The following SYNJ2 variants were observed in gnomAD, a reference collection of about 807,000 sequenced individuals.
The protein encoded by SYNJ2 is synaptojanin 2.
SYNJ2 carries 116 observed loss-of-function variants against 141.3 expected under a neutral mutation model. That is an observed-to-expected ratio of 0.82 (90% CI 0.71 to 0.96). SYNJ2 has a LOEUF of 0.96. Ranked by LOEUF, SYNJ2 falls within the 40% of genes least tolerant of loss-of-function variation. The pLI is 0.00. For missense variants in SYNJ2, 1,873 were observed against 1,934.8 expected, an observed-to-expected ratio of 0.97 and a Z score of 0.60; for synonymous variants, 745 against 777.7, an observed-to-expected ratio of 0.96 and a Z score of 0.70.
chr6:158,045,204 T>G (rs1583396326), intron 5 of SYNJ2, among the ~76,000 whole-genome samples: 1 of 148,202 alleles, frequency 6.7e-6, no homozygotes, highest in South Asian at 2.2e-4. Context: ...GCCCCCCGAG[T>G]TCAAGCCGTT....
chr6:157,981,712 A>T (rs1312266890), upstream of SYNJ2, among the ~76,000 whole-genome samples: 1 of 151,730 alleles, frequency 6.6e-6, no homozygotes, highest in African/African-American at 2.4e-5. The surrounding 1 kb of genome is among the most constrained non-coding windows in gnomAD (Gnocchi z 6.4). Flanking sequence ...GGCCTCGCGC[A>T]GCTGCCTGGC....
intron 1 of SYNJ2, among the ~76,000 whole-genome samples, chr6:157,998,922 C>A (rs573609099): frequency 6.6e-6 from 1 of 152,020 alleles, no homozygotes; most frequent in Non-Finnish European, 1.5e-5. Context: ...CCCCTGTGTC[C>A]GAATGATAGA....
chr6:158,070,636 C>T lies in SYNJ2; in HGVS notation c.1940+963C>T. On this transcript the variant is annotated intron_variant, in intron 14 of 26. Coordinates refer to ENST00000355585, the MANE Select transcript of SYNJ2 (RefSeq NM_003898.4). This position sits in a 1 kb window ranked among gnomAD's most constrained non-coding sequence, Gnocchi z 4.0. Reference sequence around the variant, plus strand: ...GGCTTCACGTGCCTTTAGCCCTGAGCTGCTTCCGCCTACACCCCTTCCATC... The same window carrying T: ...GGCTTCACGTGCCTTTAGCCCTGAGTTGCTTCCGCCTACACCCCTTCCATC... 2.7e-6 allele frequency: 1 copy of T among 375,596 alleles called. No homozygotes were observed. Among genetic ancestry groups the T allele is most frequent in the Non-Finnish European group, 3.7e-6 (1 of 272,788 alleles). The allele number at this position is 375,596 out of a possible 1,614,324, so 23.3% of individuals were successfully genotyped here.
chr6:158,084,806 C>T lies in SYNJ2; in HGVS notation c.3208+632C>T, dbSNP rs1324329276. On this transcript the variant is annotated intron_variant, in intron 22 of 26. Coordinates refer to ENST00000355585, the MANE Select transcript of SYNJ2 (RefSeq NM_003898.4). This position sits in a 1 kb window ranked among gnomAD's most constrained non-coding sequence, Gnocchi z 5.0. ...CAGCTTGGGTGACAAAGTGAGATTCCGTCTCAAAACAACAACAACAAAAAA... is the reference window on the plus strand; with the variant it reads ...CAGCTTGGGTGACAAAGTGAGATTCTGTCTCAAAACAACAACAACAAAAAA... Among the ~76,000 whole-genome samples the T allele has an allele frequency of 5.9e-5, 9 of 151,832 alleles. No homozygotes were observed. The highest frequency in any genetic ancestry group is 7.3e-5 in the African/African-American group (3 of 41,318).
intron 1 of SYNJ2, among the ~76,000 whole-genome samples, chr6:158,002,755 GC>G (rs1173337482): frequency 2.6e-5 from 4 of 152,172 alleles, no homozygotes; most frequent in Non-Finnish European, 5.9e-5. Context: ...GGGCTACCAG[GC>G]CCAGTGAAAA....
At chr6:158,092,093 A>G (rs1008072137) in intron 25 of SYNJ2, among the ~76,000 whole-genome samples, 1 of 142,972 alleles carries the variant, frequency 7.0e-6, no homozygotes, top group African/African-American at 2.7e-5. Flanking sequence ...TATGTGAATT[A>G]TGTCACAATA....
intron 2 of SYNJ2, among the ~76,000 whole-genome samples, chr6:158,020,115 A>G (rs1200412455): frequency 7.6e-6 from 1 of 131,888 alleles, no homozygotes; most frequent in Non-Finnish European, 1.6e-5. Context: ...TGTGTGACTA[A>G]CTCCACCTGT....
chr6:157,990,925 G>A (rs1289439615), intron 1 of SYNJ2, among the ~76,000 whole-genome samples: 2 of 146,770 alleles, frequency 1.4e-5, no homozygotes, highest in South Asian at 2.2e-4. Flanking sequence ...GGCTGCTCAC[G>A]GTGGGTAAAA....
intron 18 of SYNJ2, 117 bp from the exon 19 acceptor site, chr6:158,080,992 C>G: frequency 1.1e-6 from 1 of 914,958 alleles, no homozygotes; most frequent in Non-Finnish European, 1.8e-6. Flanking sequence ...GGGACAGCAG[C>G]TGGGGACTGG....
At chr6:158,094,102 C>T in intron 26 of SYNJ2, 2 of 671,616 alleles carry the variant, frequency 3.0e-6, no homozygotes, top group East Asian at 2.5e-5. Context: ...AGGGGGGCTT[C>T]GGCTTCACTC....
Position 158,043,496 on chromosome 6 carries a change from C to T in SYNJ2, c.795+97C>T. 1 of 858,190 alleles carries T rather than the reference C, an allele frequency of 1.2e-6. No homozygotes were observed. The highest frequency in any genetic ancestry group is 1.9e-6 in the Non-Finnish European group (1 of 534,378). The allele number at this position is 858,190 out of a possible 1,614,324, so 53.2% of individuals were successfully genotyped here. ...AAGATTTCTTTTAACACGTTCGTTT[C>T]ATGGCATAGTTTCCAGTCTTTTTCC... On this transcript the variant is annotated intron_variant, in intron 5 of 26. Coordinates refer to ENST00000355585, the MANE Select transcript of SYNJ2 (RefSeq NM_003898.4). The surrounding 1 kb of genome is among the most constrained non-coding windows in gnomAD (Gnocchi z 4.0).
intron 1 of SYNJ2, among the ~76,000 whole-genome samples, chr6:157,984,880 C>T (rs906523009): frequency 1.3e-5 from 2 of 152,154 alleles, no homozygotes; most frequent in Admixed American, 6.5e-5. Flanking sequence ...ATGGGTCCCT[C>T]CCAGTTAGTA....
intron 3 of SYNJ2, among the ~76,000 whole-genome samples, chr6:158,029,990 TCC>T: frequency 6.6e-6 from 1 of 152,034 alleles, no homozygotes; most frequent in East Asian, 1.9e-4. Flanking sequence ...GCTAAACCAG[TCC>T]CATCAATGGG....
chr6:158,044,209 A>C (rs969979819), intron 5 of SYNJ2, among the ~76,000 whole-genome samples: 1 of 152,184 alleles, frequency 6.6e-6, no homozygotes, highest in Non-Finnish European at 1.5e-5. Context: ...GCCAGTGGCT[A>C]CTGGGGCCCA....
intron 6 of SYNJ2, among the ~76,000 whole-genome samples, chr6:158,058,019 T>C (rs182648256): frequency 6.6e-5 from 10 of 152,302 alleles, no homozygotes; most frequent in Admixed American, 5.9e-4. Flanking sequence ...TCTACTACTG[T>C]CCCTTAAAGT....
upstream of SYNJ2, among the ~76,000 whole-genome samples, chr6:157,981,350 C>T (rs938877468): frequency 6.6e-6 from 1 of 152,166 alleles, no homozygotes; most frequent in African/African-American, 2.4e-5. The surrounding 1 kb of genome is among the most constrained non-coding windows in gnomAD (Gnocchi z 6.4). Context: ...GCGCTCCGCA[C>T]CCGCTAAGCG....
At chr6:157,998,409 A>G (rs149346564) in intron 1 of SYNJ2, among the ~76,000 whole-genome samples, 16 of 152,366 alleles carry the variant, frequency 1.1e-4, no homozygotes, top group African/African-American at 2.4e-4. Context: ...CAATTTGCCA[A>G]TCAAGGTCAT....
intron 2 of SYNJ2, among the ~76,000 whole-genome samples, chr6:158,025,938 G>T (rs1404624053): frequency 2.6e-5 from 4 of 152,104 alleles, no homozygotes; most frequent in Non-Finnish European, 2.9e-5. Context: ...GGCAACAAGA[G>T]TAAAACTCTG....
rs1431292660 is a variant in SYNJ2, at chr6:158,064,954, C to A, written c.1488C>A (p.Asp496Glu). ...ACGTCTACGGCGAGGAGGTGGCAGA[C>A]AAAGGGGGCATGCTGCTGGACAGCA... ...VGDVYGEEVA[D>E]KGGMLLDSTA... Residue 496 changes from aspartate (D) to glutamate (E), a missense_variant, in exon 11 of 27, where the codon GAC (aspartate) becomes GAA (glutamate). Asp to Glu is a conservative substitution (Grantham distance 45). Transcript: ENST00000355585. 1 of 1,609,664 alleles carries A rather than the reference C, an allele frequency of 6.2e-7. No individual in the cohort carries two copies. The highest frequency in any genetic ancestry group is 2.2e-5 in the East Asian group (1 of 44,758).
Sources: allele counts gnomAD v4.1 joint callset (sites outside exome capture counted in the v4.1 genomes callset), GRCh38; gene constraint gnomAD v4.1.1; non-coding constraint Gnocchi (gnomAD v3.1); transcripts MANE v1.5; gene names NCBI Gene and HGNC (gene_info 2026-07-23, HGNC 2026-07-21).